The following C1QTNF7 variants were observed in gnomAD, a reference collection of about 807,000 sequenced individuals.
C1QTNF7 encodes complement C1q tumor necrosis factor-related protein 7.
A neutral mutation model predicts 19.6 loss-of-function variants in C1QTNF7; 15 were observed. That is an observed-to-expected ratio of 0.76 (90% CI 0.51 to 1.18). The LOEUF (loss-of-function observed/expected upper bound fraction) is 1.18, where lower values mean the gene tolerates loss of function less well. C1QTNF7 is among the 50% of genes most tolerant of loss of function. C1QTNF7 has a pLI of 0.00. For synonymous variants in C1QTNF7, 142 were observed against 137.5 expected (o/e 1.03, Z -0.23); for missense variants, 324 against 359.7 (o/e 0.90, Z 0.80).
chr4:15,380,540 T>A (rs1205644812), intron 1 of C1QTNF7, among the ~76,000 whole-genome samples: 2 of 152,250 alleles, frequency 1.3e-5, no homozygotes, highest in Non-Finnish European at 2.9e-5. Flanking sequence ...AGACTTTCCA[T>A]GTGCATTTTA....
chr4:15,359,054 C>T (rs1037665880), intron 1 of C1QTNF7, among the ~76,000 whole-genome samples: 3 of 152,184 alleles, frequency 2.0e-5, no homozygotes, highest in African/African-American at 7.2e-5. Flanking sequence ...TCTCCTTTCC[C>T]CTTTCAGACA....
In C1QTNF7 at chr4:15,377,973, TAGTGAACAAGAGCCAA is replaced by T. The variant is rs546716929; in HGVS notation, c.13+37770_13+37785del. On this transcript the variant is annotated intron_variant, in intron 1 of 2. Transcript: ENST00000295297. The stretch of plus-strand genomic sequence containing the variant: ...GTCCTAAACATTATTTTAGATATAA[TAGTGAACAAGAGCCAA>T]AGTCCCTGCCTTTGTGGAGCTTGCA... 9.9e-3 allele frequency among the ~76,000 whole-genome samples: 1,503 copies of T among 152,344 alleles called. 12 individuals are homozygous for T. Among genetic ancestry groups the T allele is most frequent in the Non-Finnish European group, 0.014 (966 of 68,034 alleles).
chr4:15,345,064 A>G (rs977618693), intron 1 of C1QTNF7, among the ~76,000 whole-genome samples: 2 of 152,236 alleles, frequency 1.3e-5, no homozygotes, highest in African/African-American at 4.8e-5. Flanking sequence ...AGCAAGTCTG[A>G]ATCTTATAAA....
At chr4:15,421,710 A>G (rs2108926499) in intron 1 of C1QTNF7, among the ~76,000 whole-genome samples, 1 of 152,292 alleles carries the variant, frequency 6.6e-6, no homozygotes, top group Non-Finnish European at 1.5e-5. Context: ...TCATTTAGAA[A>G]CTTCAGTTTC....
upstream of C1QTNF7, among the ~76,000 whole-genome samples, chr4:15,425,720 C>T (rs935287557): frequency 2.6e-5 from 4 of 152,112 alleles, no homozygotes; most frequent in South Asian, 4.1e-4. Context: ...TTACTCACCT[C>T]AAGAGGTTAT....
At position 15,442,172 on chromosome 4, in the gene C1QTNF7, G is replaced by C; in HGVS notation, c.243G>C (p.Leu81Phe). 1 of 1,595,672 alleles carries C rather than the reference G, an allele frequency of 6.3e-7. No individual in the cohort carries two copies. The highest frequency in any genetic ancestry group is 8.5e-7 in the Non-Finnish European group (1 of 1,174,794). ...GEKGEKGTAG[L>F]RGKTGPLGLA... The stretch of plus-strand genomic sequence containing the variant: ...AACTATATACTCTTTCTGAAGGTTT[G>C]AGAGGTAAGACTGGACCGCTAGGTC... The change falls in exon 3 of 3, where the codon TTG becomes TTC. Residue 81 changes from leucine to phenylalanine, a missense_variant. Transcript: ENST00000444304.
At chr4:15,372,567 C>T (rs1717774181) in intron 1 of C1QTNF7, among the ~76,000 whole-genome samples, 1 of 152,138 alleles carries the variant, frequency 6.6e-6, no homozygotes, top group Admixed American at 6.5e-5. Flanking sequence ...TGATAGAGTG[C>T]AAATCTTAAA....
At chr4:15,377,143 GT>G (rs1051922243) in intron 1 of C1QTNF7, among the ~76,000 whole-genome samples, 11 of 152,286 alleles carry the variant, frequency 7.2e-5, no homozygotes, top group African/African-American at 2.2e-4. Flanking sequence ...AAGTTTGACA[GT>G]TCTATAATCT....
In C1QTNF7 at chr4:15,394,906, T is replaced by C. The variant is rs771711051; in HGVS notation, c.14-40830T>C. ...AGACAATTTGAACACCTCAACTGTT[T>C]CCCAAAAGAACTTGAGTAGGACTGT... On this transcript the variant is annotated intron_variant, in intron 1 of 2. Transcript: ENST00000295297. Among the ~76,000 whole-genome samples, 17 of 152,264 alleles carry C rather than the reference T, an allele frequency of 1.1e-4. No homozygotes were observed. The East Asian group carries it at 3.1e-3, about 28-fold the overall frequency.
chr4:15,370,866 G>C (rs565199454), intron 1 of C1QTNF7, among the ~76,000 whole-genome samples: 6 of 152,174 alleles, frequency 3.9e-5, no homozygotes, highest in African/African-American at 1.4e-4. Flanking sequence ...GATAATAATG[G>C]AAACACTTAA....
intron 1 of C1QTNF7, among the ~76,000 whole-genome samples, chr4:15,349,331 T>A (rs1262534244): frequency 1.3e-5 from 2 of 152,146 alleles, no homozygotes; most frequent in East Asian, 3.9e-4. Flanking sequence ...CTCTAAATTC[T>A]TTTTTTCTTT....
At chr4:15,374,866 TCTCTC>T in intron 1 of C1QTNF7, 6 of 587,798 alleles carry the variant, frequency 1.0e-5, no homozygotes, top group Non-Finnish European at 1.2e-5. Context: ...TCTCTCTCTC[TCTCTC>T]TTTTTTTTTA....
At chr4:15,371,717 G>A (rs192283596) in intron 1 of C1QTNF7, among the ~76,000 whole-genome samples, 3 of 152,114 alleles carry the variant, frequency 2.0e-5, no homozygotes, top group Admixed American at 1.3e-4. Flanking sequence ...AACATCCCGG[G>A]GAAGAAGCAT....
At position 15,364,540 on chromosome 4, in the gene C1QTNF7, C is replaced by CA. The variant is rs1268397326; in HGVS notation, c.13+24338dup. Among the ~76,000 whole-genome samples, 7 of 152,270 alleles carry CA rather than the reference C, an allele frequency of 4.6e-5. No individual in the cohort carries two copies. The East Asian group carries it at 1.3e-3, about 29-fold the overall frequency. Reference sequence around the variant, plus strand: ...AAGAGAGATGCTCAGCAGATAATGCCAAAAACATTTGCCATAGAATATTAT... The same window carrying CA: ...AAGAGAGATGCTCAGCAGATAATGCCAAAAAACATTTGCCATAGAATATTAT... On this transcript the variant is annotated intron_variant, in intron 1 of 2. Transcript: ENST00000295297.
intron 1 of C1QTNF7, among the ~76,000 whole-genome samples, chr4:15,375,109 G>A (rs971508832): frequency 4.6e-5 from 7 of 151,898 alleles, no homozygotes; most frequent in Admixed American, 1.3e-4. Flanking sequence ...GCAAGCAGAA[G>A]TGTCTCTGTA....
chr4:15,361,139 G>C (rs1717329014), intron 1 of C1QTNF7: 1 of 152,040 alleles, frequency 6.6e-6, no homozygotes, highest in Non-Finnish European at 1.5e-5. Flanking sequence ...CCCTGCTTGG[G>C]ACACCAGACT....
intron 2 of C1QTNF7, 123 bp from the exon 3 acceptor site, chr4:15,442,045 G>C: frequency 9.8e-7 from 1 of 1,023,240 alleles, no homozygotes; most frequent in Non-Finnish European, 1.4e-6. Context: ...TTATTATTTA[G>C]TAGTACACTG....
chr4:15,353,856 G>C (rs13133314), intron 1 of C1QTNF7, among the ~76,000 whole-genome samples: 33,691 of 151,950 alleles, frequency 0.22, 4,443 homozygotes, highest in East Asian at 0.3. Context: ...TTTAAAATGT[G>C]TTTAAATTAA....
At chr4:15,366,666 CT>C (rs1367577244) in intron 1 of C1QTNF7, among the ~76,000 whole-genome samples, 1 of 147,816 alleles carries the variant, frequency 6.8e-6, no homozygotes, top group African/African-American at 2.5e-5. Flanking sequence ...TTTAAATTTT[CT>C]TTTGTGGCTA....
Sources: allele counts gnomAD v4.1 joint callset (sites outside exome capture counted in the v4.1 genomes callset), GRCh38; gene constraint gnomAD v4.1.1; transcripts MANE v1.5; gene names NCBI Gene and HGNC (gene_info 2026-07-23, HGNC 2026-07-21).